The following CLYBL variants were observed in gnomAD, a reference collection of about 807,000 sequenced individuals.
The protein encoded by CLYBL is citramalyl-CoA lyase, mitochondrial.
A neutral mutation model predicts 38.9 loss-of-function variants in CLYBL; 31 were observed. The ratio of observed to expected loss-of-function variants is 0.80; its 90% CI spans 0.60 to 1.08. CLYBL has a LOEUF of 1.08. CLYBL is among the 50% of genes least tolerant of loss of function. The pLI, the probability that CLYBL is intolerant of heterozygous loss-of-function variation, is 0.00. For missense variants in CLYBL, 434 were observed against 411.6 expected (o/e 1.05, Z -0.47); for synonymous variants, 171 against 158.6 (o/e 1.08, Z -0.59).
chr13:99,658,787 C>CGTGG (rs1229798683), intron 1 of CLYBL, among the ~76,000 whole-genome samples: 3 of 152,236 alleles, frequency 2.0e-5, no homozygotes, highest in African/African-American at 7.2e-5. Flanking sequence ...CCCGCCTCCA[C>CGTGG]AGCTGCATTT....
intron 1 of CLYBL, among the ~76,000 whole-genome samples, chr13:99,754,043 T>G (rs1019237842): frequency 2.7e-4 from 34 of 123,730 alleles, no homozygotes; most frequent in African/African-American, 9.4e-4. Context: ...GCCAAGATCA[T>G]GCCATTGCAC....
intron 2 of CLYBL, among the ~76,000 whole-genome samples, chr13:99,843,465 A>G (rs1014617228): frequency 2.6e-5 from 4 of 152,200 alleles, no homozygotes; most frequent in Non-Finnish European, 5.9e-5. Context: ...TGTTTTCCTG[A>G]CTGGAATATA....
intron 1 of CLYBL, among the ~76,000 whole-genome samples, chr13:99,659,221 T>C (rs1258850196): frequency 6.6e-6 from 1 of 151,974 alleles, no homozygotes; most frequent in African/African-American, 2.4e-5. Context: ...TGTGTGTATA[T>C]ATATATATGT....
At chr13:99,785,286 G>A (rs1183236592) in intron 2 of CLYBL, among the ~76,000 whole-genome samples, 1 of 132,290 alleles carries the variant, frequency 7.6e-6, no homozygotes, top group African/African-American at 2.9e-5. Context: ...ATTGCTCACT[G>A]CAGCCTCAAC....
intron 1 of CLYBL, among the ~76,000 whole-genome samples, chr13:99,768,293 C>T (rs1024850587): frequency 7.1e-6 from 1 of 141,026 alleles, no homozygotes; most frequent in Non-Finnish European, 1.5e-5. Flanking sequence ...TTCCCGAGTT[C>T]AAGCAACTCT....
At chr13:99,894,725 C>G (rs2052550719), downstream of CLYBL, 1 of 63,594 alleles carries the variant, frequency 1.6e-5, no homozygotes, top group Non-Finnish European at 2.8e-5. Context: ...CCCCTAATAC[C>G]TTGCCTGAGG....
chr13:99,669,403 T>G (rs1348285145), intron 1 of CLYBL, among the ~76,000 whole-genome samples: 1 of 152,114 alleles, frequency 6.6e-6, no homozygotes, highest in Non-Finnish European at 1.5e-5. Flanking sequence ...CTCTAGCCAT[T>G]TGCAAAAATT....
intron 2 of CLYBL, among the ~76,000 whole-genome samples, chr13:99,808,884 C>A (rs972471712): frequency 5.9e-5 from 9 of 152,198 alleles, no homozygotes; most frequent in Non-Finnish European, 1.3e-4. Context: ...CTGGTCCTTC[C>A]TATTCTAAAG....
At chr13:99,668,204 G>A (rs537270986) in intron 1 of CLYBL, among the ~76,000 whole-genome samples, 1 of 151,886 alleles carries the variant, frequency 6.6e-6, no homozygotes, top group East Asian at 1.9e-4. Flanking sequence ...AGCCCAGGAG[G>A]CAGAGGTTGC....
At chr13:99,702,632 C>CAAA (rs60185334) in intron 1 of CLYBL, among the ~76,000 whole-genome samples, 8 of 68,390 alleles carry the variant, frequency 1.2e-4, no homozygotes, top group African/African-American at 3.9e-4. Context: ...AATTCCGTCT[C>CAAA]AAAAAAAAAA....
In CLYBL at chr13:99,871,199, T is replaced by TCA; in HGVS notation, c.927+139_927+140dup. The TCA allele has an allele frequency of 3.1e-6, 3 of 979,012 alleles. No homozygotes were observed. The Admixed American group carries it at 6.5e-5, about 21-fold the overall frequency. The allele number at this position is 979,012 out of a possible 1,614,324, so 60.6% of individuals were successfully genotyped here. On this transcript the variant is annotated intron_variant, in intron 7 of 8. Coordinates refer to ENST00000339105, the MANE Select transcript of CLYBL (RefSeq NM_206808.5). ...GGGGGAAAGGGAGGGAACACAACAT[T>TCA]CACCAGTGAGAAAATTGCTTGAGAT...
intron 1 of CLYBL, among the ~76,000 whole-genome samples, chr13:99,614,683 T>C (rs2046681276): frequency 6.6e-6 from 1 of 152,122 alleles, no homozygotes; most frequent in South Asian, 2.1e-4. Flanking sequence ...TACATACCGT[T>C]ATCCTGTGGT....
intron 1 of CLYBL, among the ~76,000 whole-genome samples, chr13:99,624,897 A>G (rs906995646): frequency 2.0e-5 from 3 of 152,206 alleles, no homozygotes. Flanking sequence ...GGGATCCAAA[A>G]TAACATTCGC....
chr13:99,788,123 T>C (rs2138874307), intron 2 of CLYBL, among the ~76,000 whole-genome samples: 1 of 152,354 alleles, frequency 6.6e-6, no homozygotes, highest in Middle Eastern at 3.4e-3. Flanking sequence ...GTTTTCTAAA[T>C]ATACAATCAT....
At chr13:99,894,996 G>A (rs932400078), downstream of CLYBL, 1 of 152,166 alleles carries the variant, frequency 6.6e-6, no homozygotes, top group Admixed American at 6.5e-5. Context: ...CTCCAGGGAC[G>A]GCTGGGAAAA....
chr13:99,664,737 C>A (rs2047456080), intron 1 of CLYBL, among the ~76,000 whole-genome samples: 1 of 152,078 alleles, frequency 6.6e-6, no homozygotes, highest in South Asian at 2.1e-4. Context: ...GAAAACACAA[C>A]ACAAATTTGG....
At chr13:99,674,063 T>C (rs1213120027) in intron 1 of CLYBL, among the ~76,000 whole-genome samples, 2 of 147,898 alleles carry the variant, frequency 1.4e-5, no homozygotes, top group Non-Finnish European at 3.0e-5. Context: ...GGGGTAGGGG[T>C]GGAGGTCAAG....
At chr13:99,657,912 T>C (rs1291502883) in intron 1 of CLYBL, among the ~76,000 whole-genome samples, 11 of 152,240 alleles carry the variant, frequency 7.2e-5, no homozygotes, top group Non-Finnish European at 1.5e-4. Context: ...CCAAGTCGGC[T>C]TCCTTAGGAG....
rs1006601572 is a variant in CLYBL, at chr13:99,749,358, C to T, written c.63-23466C>T. ...GATTCTGCTTTTTTCTTGACTCTTG[C>T]CAAGCCTGTCCTTTATCTGATGTCC... is the stretch of plus-strand genomic sequence containing the variant. On this transcript the variant is annotated intron_variant, in intron 1 of 8. Transcript: ENST00000339105. Among the ~76,000 whole-genome samples the T allele has an allele frequency of 2.0e-5, 3 of 152,260 alleles. No individual in the cohort carries two copies. In the South Asian group the frequency reaches 6.2e-4, roughly 32 times the overall value.
Sources: allele counts gnomAD v4.1 joint callset (sites outside exome capture counted in the v4.1 genomes callset), GRCh38; gene constraint gnomAD v4.1.1; transcripts MANE v1.5; gene names NCBI Gene and HGNC (gene_info 2026-07-23, HGNC 2026-07-21).